The following RBMS3 variants were observed in gnomAD, a reference collection of about 807,000 sequenced individuals.
The protein encoded by RBMS3 is RNA-binding motif, single-stranded-interacting protein 3.
In RBMS3, 27 loss-of-function variants were observed where a neutral mutation model predicts 66.8. The observed-to-expected ratio is 0.40, with a 90% CI of 0.30 to 0.56. The LOEUF is 0.56. Ranked by LOEUF, RBMS3 falls within the 20% of genes least tolerant of loss-of-function variation. RBMS3 has a pLI of 0.40. For missense variants in RBMS3, 513 were observed against 549.5 expected (o/e 0.93, Z 0.66); for synonymous variants, 188 against 183.0 (o/e 1.03, Z -0.22).
chr3:29,288,356 C>A (rs780314032), intron 1 of RBMS3, among the ~76,000 whole-genome samples: 79 of 152,138 alleles, frequency 5.2e-4, no homozygotes, highest in Non-Finnish European at 7.4e-4. Flanking sequence ...CTGTCTTCAT[C>A]CTTTCACACA....
chr3:29,378,869 T>C (rs1047026730), intron 1 of RBMS3, among the ~76,000 whole-genome samples: 1 of 152,196 alleles, frequency 6.6e-6, no homozygotes, highest in Non-Finnish European at 1.5e-5. Context: ...CCAAAATGCA[T>C]TCATATGGGA....
At chr3:29,653,571 G>GT (rs1354677134) in intron 4 of RBMS3, among the ~76,000 whole-genome samples, 3 of 152,058 alleles carry the variant, frequency 2.0e-5, no homozygotes, top group African/African-American at 7.2e-5. Context: ...GTGAGGATGT[G>GT]TATTTATGGG....
chr3:29,923,103 C>G (rs571053845), intron 10 of RBMS3, among the ~76,000 whole-genome samples: 3 of 152,340 alleles, frequency 2.0e-5, no homozygotes, highest in African/African-American at 7.2e-5. Context: ...AAGATTGCCT[C>G]TCCCTTGTAA....
chr3:29,924,948 G>A (rs1396231215), intron 10 of RBMS3: 2 of 152,150 alleles, frequency 1.3e-5, no homozygotes, highest in Non-Finnish European at 2.9e-5. Context: ...TGAGGGAGAA[G>A]GAAACGATCA....
At chr3:29,764,473 C>T (rs1489152671) in intron 6 of RBMS3, among the ~76,000 whole-genome samples, 1 of 151,728 alleles carries the variant, frequency 6.6e-6, no homozygotes, top group African/African-American at 2.4e-5. Flanking sequence ...GGACTTTCCT[C>T]TTGTTTGTCC....
chr3:29,846,189 T>C (rs1278376172), intron 6 of RBMS3, among the ~76,000 whole-genome samples: 2 of 152,166 alleles, frequency 1.3e-5, no homozygotes, highest in African/African-American at 4.8e-5. Context: ...GAATGATCTT[T>C]ATAAAGAATG....
intron 10 of RBMS3, among the ~76,000 whole-genome samples, chr3:29,911,793 A>G (rs2060521146): frequency 6.6e-6 from 1 of 152,046 alleles, no homozygotes; most frequent in African/African-American, 2.4e-5. Flanking sequence ...TGTCTACATG[A>G]GTTTCTTTTT....
At chr3:29,420,009 T>C (rs1310974765) in intron 1 of RBMS3, among the ~76,000 whole-genome samples, 1 of 152,212 alleles carries the variant, frequency 6.6e-6, no homozygotes, top group East Asian at 1.9e-4. Context: ...CTGCTTAAGA[T>C]GTAGTCAATT....
At chr3:29,660,910 G>A (rs1306026653) in intron 4 of RBMS3, among the ~76,000 whole-genome samples, 1 of 152,202 alleles carries the variant, frequency 6.6e-6, no homozygotes, top group Admixed American at 6.5e-5. Flanking sequence ...ATGGGAAGAA[G>A]TGCAACAGTT....
At chr3:29,984,899 C>A (rs1698265436) in intron 12 of RBMS3, among the ~76,000 whole-genome samples, 1 of 152,262 alleles carries the variant, frequency 6.6e-6, no homozygotes, top group South Asian at 2.1e-4. Context: ...ACTTGAGGGA[C>A]CCACTTGAGG....
Position 29,847,651 on chromosome 3 carries a change from T to TA in RBMS3, c.638-21207_638-21206insA, listed in dbSNP as rs1491475479. On this transcript the variant is annotated intron_variant, in intron 6 of 14. Coordinates refer to ENST00000383767, the MANE Select transcript of RBMS3 (RefSeq NM_001003793.3). ...CACTCCAATTTTGTGTTTTATTTTT[T>TA]TTTTTTTATTTTTTATTTTTTTGAG... 8.0e-5 allele frequency among the ~76,000 whole-genome samples: 12 copies of TA among 149,702 alleles called. No homozygotes were observed. The East Asian group carries it at 2.1e-3, about 27-fold the overall frequency.
intron 10 of RBMS3, among the ~76,000 whole-genome samples, chr3:29,932,801 G>C (rs983200952): frequency 1.3e-5 from 2 of 152,152 alleles, no homozygotes; most frequent in African/African-American, 4.8e-5. Context: ...CCTTAGGTCA[G>C]ATATATTTAC....
intron 6 of RBMS3, among the ~76,000 whole-genome samples, chr3:29,774,084 A>G (rs2056331700): frequency 6.6e-6 from 1 of 152,076 alleles, no homozygotes; most frequent in African/African-American, 2.4e-5. Flanking sequence ...TTGTTATTCT[A>G]TGATCTATTA....
intron 3 of RBMS3, among the ~76,000 whole-genome samples, chr3:29,543,114 G>A (rs895824663): frequency 3.3e-5 from 5 of 152,148 alleles, no homozygotes. Flanking sequence ...CAGAGTGAAA[G>A]CCATGTTTCT....
At chr3:29,428,445 T>C (rs1361590256) in intron 1 of RBMS3, among the ~76,000 whole-genome samples, 1 of 152,062 alleles carries the variant, frequency 6.6e-6, no homozygotes, top group African/African-American at 2.4e-5. Flanking sequence ...ATATATTCAC[T>C]ACAACCCCGC....
chr3:29,405,874 G>T (rs551237194), intron 1 of RBMS3, among the ~76,000 whole-genome samples: 1 of 152,164 alleles, frequency 6.6e-6, no homozygotes, highest in Non-Finnish European at 1.5e-5. Context: ...ACTTTTGAAT[G>T]TATTTGCTAT....
chr3:29,854,503 G>A (rs1018682903), intron 6 of RBMS3, among the ~76,000 whole-genome samples: 2 of 152,114 alleles, frequency 1.3e-5, no homozygotes, highest in Admixed American at 1.3e-4. Flanking sequence ...TCTCTACTCC[G>A]CTAAAGGTCT....
chr3:29,608,280 G>A (rs1319803023), intron 4 of RBMS3, among the ~76,000 whole-genome samples: 5 of 151,782 alleles, frequency 3.3e-5, no homozygotes, highest in South Asian at 2.1e-4. Flanking sequence ...TGGAAGTATC[G>A]TAATAAGACG....
intron 4 of RBMS3, among the ~76,000 whole-genome samples, chr3:29,644,671 A>G (rs1265620323): frequency 6.6e-6 from 1 of 152,210 alleles, no homozygotes; most frequent in Non-Finnish European, 1.5e-5. Context: ...CCAATATATT[A>G]TAATAGTATA....
Sources: allele counts gnomAD v4.1 joint callset (sites outside exome capture counted in the v4.1 genomes callset), GRCh38; gene constraint gnomAD v4.1.1; transcripts MANE v1.5; gene names NCBI Gene and HGNC (gene_info 2026-07-23, HGNC 2026-07-21).